Variants in BMPR1A observed in about 807,000 individuals in gnomAD.
BMPR1A encodes the protein bone morphogenetic protein receptor type-1A.
In BMPR1A, 7 loss-of-function variants were observed where a neutral mutation model predicts 66.0. The observed-to-expected ratio is 0.11, with a 90% CI of 0.06 to 0.20. The LOEUF is 0.20. BMPR1A is among the 10% of genes least tolerant of loss of function. The probability of loss-of-function intolerance (pLI) is 1.00; values close to 1 mark genes in which losing one functional copy is unlikely to be tolerated. For synonymous variants in BMPR1A, 200 were observed against 229.7 expected (o/e 0.87, Z 1.17); for missense variants, 408 against 669.1 (o/e 0.61, Z 4.31).
chr10:86,778,613 C>T (rs558262200), intron 1 of BMPR1A, among the ~76,000 whole-genome samples: 21 of 152,172 alleles, frequency 1.4e-4, no homozygotes, highest in African/African-American at 4.3e-4. Flanking sequence ...GTTTGATATT[C>T]TCCTTCTAGC....
At chr10:86,847,194 C>T (rs2354354) in intron 2 of BMPR1A, among the ~76,000 whole-genome samples, 61,890 of 151,850 alleles carry the variant, frequency 0.41, 13,634 homozygotes, top group East Asian at 0.67. Context: ...GGTTTGGGAA[C>T]TTGCAGCTCC....
intron 11 of BMPR1A, among the ~76,000 whole-genome samples, chr10:86,922,322 C>CT (rs1170424256): frequency 6.6e-6 from 1 of 152,188 alleles, no homozygotes; most frequent in Non-Finnish European, 1.5e-5. Flanking sequence ...ACTTAGGTTG[C>CT]TTCCACATCT....
At chr10:86,766,573 C>T (rs1841165637) in intron 1 of BMPR1A, among the ~76,000 whole-genome samples, 1 of 150,860 alleles carries the variant, frequency 6.6e-6, no homozygotes. Context: ...TTCCAGCCAA[C>T]AGTATTTGAA....
At chr10:86,834,803 A>T (rs1357899375) in intron 1 of BMPR1A, among the ~76,000 whole-genome samples, 1 of 152,190 alleles carries the variant, frequency 6.6e-6, no homozygotes, top group Non-Finnish European at 1.5e-5. Flanking sequence ...AGTAAACAGT[A>T]ATATCTTTAG....
chr10:86,778,275 CTTG>C (rs1015874885), intron 1 of BMPR1A, among the ~76,000 whole-genome samples: 4 of 150,174 alleles, frequency 2.7e-5, no homozygotes, highest in Admixed American at 6.6e-5. Context: ...AGTGGATTTT[CTTG>C]TTGTTGTTTT....
downstream of BMPR1A, chr10:86,928,345 C>G (rs1244691252): frequency 1.3e-5 from 2 of 151,556 alleles, no homozygotes; most frequent in Non-Finnish European, 2.9e-5. Context: ...GCCTCAGCCT[C>G]CCGAATAGCT....
chr10:86,806,419 T>G (rs1841889903), intron 1 of BMPR1A, among the ~76,000 whole-genome samples: 1 of 152,228 alleles, frequency 6.6e-6, no homozygotes, highest in African/African-American at 2.4e-5. Flanking sequence ...TTTTCCACTT[T>G]CATCACTAGT....
At chr10:86,857,571 C>T (rs1485873772) in intron 2 of BMPR1A, among the ~76,000 whole-genome samples, 1 of 152,058 alleles carries the variant, frequency 6.6e-6, no homozygotes, top group Non-Finnish European at 1.5e-5. Context: ...CACAAGGTTG[C>T]AGTCAGGAAG....
chr10:86,852,436 G>GT (rs1489480352), intron 2 of BMPR1A, among the ~76,000 whole-genome samples: 1 of 152,152 alleles, frequency 6.6e-6, no homozygotes, highest in Non-Finnish European at 1.5e-5. Context: ...CGGCACAGTG[G>GT]TGTCCCCCTG....
At chr10:86,789,686 C>T (rs181078582) in intron 1 of BMPR1A, among the ~76,000 whole-genome samples, 80 of 150,112 alleles carry the variant, frequency 5.3e-4, no homozygotes, top group African/African-American at 1.9e-3. Context: ...GCACTCCATC[C>T]TGGGTGACAG....
chr10:86,874,922 A>G lies in BMPR1A; in HGVS notation c.-152-945A>G, dbSNP rs570994009. On this transcript the variant is annotated intron_variant, in intron 2 of 12. Transcript: ENST00000372037. ...GTATTTTTAGTAGAGATGGGGTTTC[A>G]CCATGCTGGCCAGGCTGGTCTTGAA... Among the ~76,000 whole-genome samples, 193 of 147,210 alleles carry G rather than the reference A, an allele frequency of 1.3e-3. 1 individual carries two copies. Among genetic ancestry groups the G allele is most frequent in the Middle Eastern group, 3.5e-3 (1 of 282 alleles).
At chr10:86,791,246 T>C (rs775687723) in intron 1 of BMPR1A, among the ~76,000 whole-genome samples, 6 of 150,794 alleles carry the variant, frequency 4.0e-5, no homozygotes, top group Non-Finnish European at 5.9e-5. Flanking sequence ...AAAGTCTCGC[T>C]CTGTTTCCCA....
chr10:86,804,916 T>C (rs916955608), intron 1 of BMPR1A, among the ~76,000 whole-genome samples: 10 of 148,642 alleles, frequency 6.7e-5, no homozygotes, highest in African/African-American at 2.5e-4. Flanking sequence ...GGATCCAAAA[T>C]AGGAGTGTCC....
chr10:86,785,511 G>C (rs1191446050), intron 1 of BMPR1A, among the ~76,000 whole-genome samples: 3 of 152,144 alleles, frequency 2.0e-5, no homozygotes, highest in African/African-American at 7.2e-5. Flanking sequence ...CTCCAATTTG[G>C]TCAGGCTGGT....
intron 7 of BMPR1A, among the ~76,000 whole-genome samples, chr10:86,905,756 T>A (rs1454995517): frequency 6.6e-6 from 1 of 151,740 alleles, no homozygotes; most frequent in Admixed American, 6.6e-5. Flanking sequence ...CTCCTGGTCC[T>A]AGAGTAGTTA....
intron 8 of BMPR1A, 146 bp downstream of exon 8, chr10:86,912,530 A>G: frequency 9.9e-7 from 1 of 1,006,550 alleles, no homozygotes; most frequent in Admixed American, 2.2e-5. Context: ...GCAGTATTGC[A>G]AGGTGAAATT....
intron 2 of BMPR1A, among the ~76,000 whole-genome samples, chr10:86,846,683 G>T (rs573012657): frequency 6.6e-6 from 1 of 151,886 alleles, no homozygotes; most frequent in African/African-American, 2.4e-5. Flanking sequence ...CCTGGGCGAC[G>T]AAGCAAGACT....
chr10:86,928,674 TGAGA>T (rs1271032223), downstream of BMPR1A: 1 of 152,058 alleles, frequency 6.6e-6, no homozygotes, highest in Admixed American at 6.6e-5. Flanking sequence ...TCTTTTTTTT[TGAGA>T]GAGTCTTGCT....
chr10:86,858,950 G>C (rs1842679360), intron 2 of BMPR1A, among the ~76,000 whole-genome samples: 1 of 152,118 alleles, frequency 6.6e-6, no homozygotes, highest in South Asian at 2.1e-4. Context: ...GACCATAAAG[G>C]ACTGCAAATG....
Sources: gnomAD v4.1 joint callset for allele counts (sites outside exome capture counted in the v4.1 genomes callset) on GRCh38, gnomAD v4.1.1 for gene constraint, MANE v1.5 for transcripts, NCBI Gene and HGNC (gene_info 2026-07-23, HGNC 2026-07-21) for gene names.